Variants in LRIT2 observed in about 807,000 individuals in gnomAD.
LRIT2 encodes leucine-rich repeat, immunoglobulin-like domain and transmembrane domain-containing protein 2.
A neutral mutation model predicts 22.4 loss-of-function variants in LRIT2; 23 were observed. The ratio of observed to expected loss-of-function variants is 1.03; its 90% CI spans 0.74 to 1.45. The LOEUF (loss-of-function observed/expected upper bound fraction) is 1.45, where lower values mean the gene tolerates loss of function less well. LRIT2 is among the 40% of genes most tolerant of loss of function. The pLI is 0.00. For missense variants in LRIT2, 784 were observed against 665.6 expected (o/e 1.18, Z -1.96); for synonymous variants, 291 against 267.1 (o/e 1.09, Z -0.87).
In LRIT2 at chr10:84,224,799, G is replaced by C; in HGVS notation, c.426C>G (p.Leu142=). The C allele has an allele frequency of 1.2e-6, 2 of 1,614,046 alleles. No homozygotes were observed. Among genetic ancestry groups the C allele is most frequent in the Middle Eastern group, 1.6e-4 (1 of 6,062 alleles). ...LDLKRNKIDA[L]PELALQFLVS... ...CCAAGAATTGAAGAGCCAGCTCAGG[G>C]AGTGCATCAATCTTGTTGCGTTTGA... Residue 142 remains leucine (L), a synonymous_variant, in exon 2 of 3, where the codon CTC becomes CTG. Coordinates refer to ENST00000372113, the MANE Select transcript of LRIT2 (RefSeq NM_001017924.5).
rs1842506589 is a variant in LRIT2 at position 84,221,706 on chromosome 10, T to C, written c.*214A>G. On this transcript the variant is annotated 3_prime_UTR_variant, in exon 3 of 3. Transcript: ENST00000372113. ...ATTTGATGGACAAATCTTCATTGACTTTAACTTTACGAAGATAATGACTAT... is the reference window on the plus strand; with the variant it reads ...ATTTGATGGACAAATCTTCATTGACCTTAACTTTACGAAGATAATGACTAT... 1 of 417,624 alleles carries C rather than the reference T, an allele frequency of 2.4e-6. No homozygotes were observed. Among genetic ancestry groups the C allele is most frequent in the Non-Finnish European group, 4.2e-6 (1 of 237,002 alleles). The allele number at this position is 417,624 out of a possible 1,614,324, so 25.9% of individuals were successfully genotyped here.
rs1564671126 is a variant in LRIT2, at chr10:84,222,262, GC to G, written c.1310del (p.Gly437AlafsTer10). The G allele has an allele frequency of 6.2e-7, 1 of 1,614,224 alleles. No homozygotes were observed. Among genetic ancestry groups the G allele is most frequent in the East Asian group, 2.2e-5 (1 of 44,876 alleles). On this transcript the variant is annotated frameshift_variant, in exon 3 of 3. Transcript: ENST00000372113. LOFTEE classifies it low-confidence loss of function (END_TRUNC). ...CACACTGGCCCTGGTGTGGAGGCTG[GC>G]CCTCTAGGCTGAGGCAGGCCTCATA... Reference protein sequence around the residue: ...TKYEACLSLEGQPPHQGQCVA... With the variant: ...TKYEACLSLEXQPPHQGQCVA...
rs1842539035 is a variant in LRIT2, at chr10:84,224,315, A to AG, written c.892+17dup. On this transcript the variant is annotated intron_variant, in intron 2 of 2. Transcript: ENST00000372113. ...CTCCATTCCCTCCAGATACACTGAGAGGGTGCATGTGGCTTACCATCAAAT... is the reference window on the plus strand; with the variant it reads ...CTCCATTCCCTCCAGATACACTGAGAGGGGTGCATGTGGCTTACCATCAAAT... The AG allele has an allele frequency of 6.3e-7, 1 of 1,598,228 alleles. No individual in the cohort carries two copies. Among genetic ancestry groups the AG allele is most frequent in the Non-Finnish European group, 8.5e-7 (1 of 1,171,408 alleles).
intron 2 of LRIT2, among the ~76,000 whole-genome samples, chr10:84,223,483 T>A (rs1411743932): frequency 1.9e-5 from 2 of 102,642 alleles, no homozygotes; most frequent in Non-Finnish European, 5.0e-5. Flanking sequence ...AATGTGAAAA[T>A]TCAGTTAATT....
Position 84,221,782 on chromosome 10 carries a change from C to A in LRIT2, c.*138G>T. ...CTCTGTTTCCCTTTTTACTCTTGAA[C>A]CCCCTGTGTCAAGTTCAGTGCTTGG... On this transcript the variant is annotated 3_prime_UTR_variant, in exon 3 of 3. Coordinates refer to ENST00000372113, the MANE Select transcript of LRIT2 (RefSeq NM_001017924.5). 3 of 667,578 alleles carry A rather than the reference C, an allele frequency of 4.5e-6. No homozygotes were observed. The highest frequency in any genetic ancestry group is 5.4e-5 in the East Asian group (2 of 36,844). 41.4% of individuals were successfully genotyped at this position (667,578 alleles called of 1,614,324 possible). A position where few individuals can be genotyped will look rare whatever the true frequency, so the allele number is the denominator to read the frequency against.
Position 84,224,342 on chromosome 10 carries a change from C to A in LRIT2, c.883G>T (p.Glu295Ter). 1 of 1,610,816 alleles carries A rather than the reference C, an allele frequency of 6.2e-7. No individual in the cohort carries two copies. Among genetic ancestry groups the A allele is most frequent in the South Asian group, 1.1e-5 (1 of 90,746 alleles). Reference sequence around the variant, plus strand: ...GGTGCATGTGGCTTACCATCAAATTCTCTCCACATACTCAGGGGATAAGTC... The same window carrying A: ...GGTGCATGTGGCTTACCATCAAATTATCTCCACATACTCAGGGGATAAGTC... ...AWTYPLSMWR[E>*]FDVLTSSTGE... is the part of the protein sequence containing the mutation. The change falls in exon 2 of 3, where the codon GAA becomes TAA. Residue 295 changes from glutamate (E) to a stop codon, truncating the protein, a stop_gained. Coordinates refer to ENST00000372113, the MANE Select transcript of LRIT2 (RefSeq NM_001017924.5). LOFTEE classifies it low-confidence loss of function (END_TRUNC).
In LRIT2 at chr10:84,221,712, T is replaced by A; in HGVS notation, c.*208A>T. 2.4e-6 allele frequency: 1 copy of A among 421,550 alleles called. No homozygotes were observed. Among genetic ancestry groups the A allele is most frequent in the Non-Finnish European group, 4.2e-6 (1 of 239,568 alleles). The allele number at this position is 421,550 out of a possible 1,614,324, so 26.1% of individuals were successfully genotyped here. A position where few individuals can be genotyped will look rare whatever the true frequency, so the allele number is the denominator to read the frequency against. On this transcript the variant is annotated 3_prime_UTR_variant, in exon 3 of 3. Transcript: ENST00000372113. ...TGGACAAATCTTCATTGACTTTAAC[T>A]TTACGAAGATAATGACTATGTCCCC...
In LRIT2 at chr10:84,221,502, G is replaced by A. The variant is rs565561777; in HGVS notation, c.*418C>T. ...TGGACTCTGGGTGTATCATTGAACT[G>A]TCCAGGCTGCAGTTTTTCACCTATA... On this transcript the variant is annotated 3_prime_UTR_variant, in exon 3 of 3. Coordinates refer to ENST00000372113, the MANE Select transcript of LRIT2 (RefSeq NM_001017924.5). 1.3e-5 allele frequency: 2 copies of A among 154,532 alleles called. No individual in the cohort carries two copies. Among genetic ancestry groups the A allele is most frequent in the East Asian group, 3.8e-4 (2 of 5,226 alleles). 9.6% of individuals were successfully genotyped at this position (154,532 alleles called of 1,614,324 possible). A position where few individuals can be genotyped will look rare whatever the true frequency, so the allele number is the denominator to read the frequency against.
At chr10:84,224,064 A>G (rs1484778522) in intron 2 of LRIT2, among the ~76,000 whole-genome samples, 3 of 151,498 alleles carry the variant, frequency 2.0e-5, no homozygotes, top group South Asian at 2.1e-4. Context: ...TTTGCATAAG[A>G]TATTAAATTA....
chr10:84,222,335 G>C lies in LRIT2; in HGVS notation c.1238C>G (p.Pro413Arg), dbSNP rs1186164468. ...AFRKEVVHIG[P>R]GINTYAVDDL... is the part of the protein sequence containing the mutation. ...ATCCACAGCATAAGTATTGATTCCG[G>C]GGCCAATGTGAACCACCTCCTTCCT... Residue 413 changes from proline to arginine, a missense_variant, in exon 3 of 3, where the codon CCC becomes CGC. Pro to Arg is a moderately radical substitution (Grantham distance 103, BLOSUM62 -2). Coordinates refer to ENST00000372113, the MANE Select transcript of LRIT2 (RefSeq NM_001017924.5). 1.2e-6 allele frequency: 2 copies of C among 1,614,172 alleles called. No individual in the cohort carries two copies. The highest frequency in any genetic ancestry group is 2.2e-5 in the South Asian group (2 of 91,082).
rs1415896906 is a variant in LRIT2 at position 84,221,474 on chromosome 10, A to T, written c.*446T>A. On this transcript the variant is annotated 3_prime_UTR_variant, in exon 3 of 3. Coordinates refer to ENST00000372113, the MANE Select transcript of LRIT2 (RefSeq NM_001017924.5). ...GAATGGGGCTTCTGCCTCCTGCCAG[A>T]TGTGGACTCTGGGTGTATCATTGAA... The T allele has an allele frequency of 6.5e-6, 1 of 152,774 alleles. No individual in the cohort carries two copies. The highest frequency in any genetic ancestry group is 2.4e-5 in the African/African-American group (1 of 41,472). 9.5% of individuals were successfully genotyped at this position (152,774 alleles called of 1,614,324 possible).
rs543480043 is a variant in LRIT2 at position 84,221,584 on chromosome 10, G to A, written c.*336C>T. The A allele has an allele frequency of 7.3e-5, 13 of 177,762 alleles. No homozygotes were observed. Among genetic ancestry groups the A allele is most frequent in the South Asian group, 5.4e-4 (3 of 5,542 alleles). The allele number at this position is 177,762 out of a possible 1,614,324, so 11.0% of individuals were successfully genotyped here. On this transcript the variant is annotated 3_prime_UTR_variant, in exon 3 of 3. Transcript: ENST00000372113. ...GGATAATATATGTAAAATATTATACGTAGACATTACGTATAAGCATGTAAA... is the reference window on the plus strand; with the variant it reads ...GGATAATATATGTAAAATATTATACATAGACATTACGTATAAGCATGTAAA...
At position 84,222,489 on chromosome 10, in the gene LRIT2, C is replaced by A; in HGVS notation, c.1084G>T (p.Gly362Cys). 6.2e-7 allele frequency: 1 copy of A among 1,613,962 alleles called. No homozygotes were observed. ...ACCCGCAGGTCAATGTAGGCATTGC[C>A]CTCCGAGGGGATGGAAAGAGAATCA... is the stretch of plus-strand genomic sequence containing the variant. ...APDSLSIPSE[G>C]NAYIDLRVVK... Residue 362 changes from glycine (G) to cysteine (C), a missense_variant, in exon 3 of 3, where the codon GGC becomes TGC. Transcript: ENST00000372113.
intron 2 of LRIT2, among the ~76,000 whole-genome samples, 196 bp downstream of exon 2, chr10:84,224,137 C>T (rs1427254937): frequency 6.6e-6 from 1 of 152,196 alleles, no homozygotes; most frequent in Non-Finnish European, 1.5e-5. Context: ...TGTATGCAAA[C>T]ATTTAAAATA....
chr10:84,224,490 A>G lies in LRIT2; in HGVS notation c.735T>C (p.Thr245=). 6.2e-7 allele frequency: 1 copy of G among 1,614,228 alleles called. No individual in the cohort carries two copies. Among genetic ancestry groups the G allele is most frequent in the Non-Finnish European group, 8.5e-7 (1 of 1,180,032 alleles). The change falls in exon 2 of 3, where the codon ACT becomes ACC. Residue 245 remains threonine (T), a synonymous_variant. Coordinates refer to ENST00000372113, the MANE Select transcript of LRIT2 (RefSeq NM_001017924.5). ...GTGGCTTCATGCAAGCACTAAGCTC[A>G]GTTTCATGAAAAAGCTGCCCTGCCT... is the stretch of plus-strand genomic sequence containing the variant. The part of the protein sequence containing the change: ...LSKAGQLFHE[T]ELSACMKPQI...
chr10:84,225,035 T>C lies in LRIT2; in HGVS notation c.190A>G (p.Asn64Asp), dbSNP rs1842551093. 1 of 1,613,902 alleles carries C rather than the reference T, an allele frequency of 6.2e-7. No individual in the cohort carries two copies. Among genetic ancestry groups the C allele is most frequent in the Non-Finnish European group, 8.5e-7 (1 of 1,180,022 alleles). Residue 64 changes from asparagine to aspartate, a missense_variant, in exon 2 of 3, where the codon AAT (asparagine) becomes GAT (aspartate). Physicochemically the swap from Asn to Asp is conservative, Grantham distance 23. Transcript: ENST00000372113. ...TGGGGCATCTCAAATAAGGGTGAATTTTCAATTCTCACTTGCTTGAACTCT... is the reference window on the plus strand; with the variant it reads ...TGGGGCATCTCAAATAAGGGTGAATCTTCAATTCTCACTTGCTTGAACTCT... ...SEEFKQVRIE[N>D]SPLFEMPQGS...
chr10:84,221,782 C>T lies in LRIT2; in HGVS notation c.*138G>A, dbSNP rs774026143. The T allele has an allele frequency of 1.7e-4, 114 of 667,460 alleles. No homozygotes were observed. The highest frequency in any genetic ancestry group is 3.9e-4 in the Admixed American group (13 of 33,010). 41.3% of individuals were successfully genotyped at this position (667,460 alleles called of 1,614,324 possible). On this transcript the variant is annotated 3_prime_UTR_variant, in exon 3 of 3. Coordinates refer to ENST00000372113, the MANE Select transcript of LRIT2 (RefSeq NM_001017924.5). Reference sequence around the variant, plus strand: ...CTCTGTTTCCCTTTTTACTCTTGAACCCCCTGTGTCAAGTTCAGTGCTTGG... The same window carrying T: ...CTCTGTTTCCCTTTTTACTCTTGAATCCCCTGTGTCAAGTTCAGTGCTTGG...
Position 84,222,254 on chromosome 10 carries a change from G to A in LRIT2, c.1319C>T (p.Pro440Leu), listed in dbSNP as rs1842516263. The A allele has an allele frequency of 1.9e-6, 3 of 1,614,124 alleles. No individual in the cohort carries two copies. The highest frequency in any genetic ancestry group is 2.2e-5 in the South Asian group (2 of 91,094). ...EACLSLEGQP[P>L]HQGQCVAFVT... ...AAAAGCTACACACTGGCCCTGGTGTGGAGGCTGGCCCTCTAGGCTGAGGCA... is the reference window on the plus strand; with the variant it reads ...AAAAGCTACACACTGGCCCTGGTGTAGAGGCTGGCCCTCTAGGCTGAGGCA... The change falls in exon 3 of 3, where the codon CCA becomes CTA. Residue 440 changes from proline (P) to leucine (L), a missense_variant. By Grantham distance (98) the Pro-to-Leu change is moderately conservative (BLOSUM62 -3). Transcript: ENST00000372113.
At chr10:84,222,804 GGTAACCTCTTATGAACCTC>G in intron 2 of LRIT2, 124 bp from the exon 3 acceptor site, 1 of 1,162,818 alleles carries the variant, frequency 8.6e-7, no homozygotes, top group Non-Finnish European at 1.3e-6. Flanking sequence ...AGAAGATGGT[GGTAACCTCTTATGAACCTC>G]GTACCTGGTG....
Sources: allele counts gnomAD v4.1 joint callset (sites outside exome capture counted in the v4.1 genomes callset), GRCh38; gene constraint gnomAD v4.1.1; transcripts MANE v1.5; gene names NCBI Gene and HGNC (gene_info 2026-07-23, HGNC 2026-07-21).